The following SMARCA2 variants were observed in gnomAD, a reference collection of about 807,000 sequenced individuals.
SMARCA2 encodes the protein SWI/SNF-related matrix-associated actin-dependent regulator of chromatin subfamily A member 2.
SMARCA2 carries 61 observed loss-of-function variants against 199.8 expected under a neutral mutation model. The ratio of observed to expected loss-of-function variants is 0.31; its 90% CI spans 0.25 to 0.38. SMARCA2 has a LOEUF of 0.38. Ranked by LOEUF, SMARCA2 falls within the 10% of genes least tolerant of loss-of-function variation. The pLI is 1.00. For synonymous variants in SMARCA2, 935 were observed against 732.0 expected (o/e 1.28, Z -4.48); for missense variants, 1,344 against 2,012.2 (o/e 0.67, Z 6.35).
At chr9:2,064,930 A>T (rs746784339) in intron 9 of SMARCA2, among the ~76,000 whole-genome samples, 1 of 152,216 alleles carries the variant, frequency 6.6e-6, no homozygotes, top group Non-Finnish European at 1.5e-5. Context: ...CACGCCTGTA[A>T]TCCCAGCACT....
chr9:2,062,025 T>G (rs187142269), intron 9 of SMARCA2, among the ~76,000 whole-genome samples: 107 of 152,300 alleles, frequency 7.0e-4, no homozygotes, highest in African/African-American at 2.5e-3. Context: ...TGTAGCATTA[T>G]AGACTGTGCA....
At chr9:2,083,246 C>G (rs1821646448) in intron 15 of SMARCA2, 101 bp from the exon 16 acceptor site, 2 of 679,986 alleles carry the variant, frequency 2.9e-6, no homozygotes, top group African/African-American at 1.8e-5. Flanking sequence ...ATTCTGTAGC[C>G]CCTTTCAAGG....
intron 27 of SMARCA2, among the ~76,000 whole-genome samples, chr9:2,127,821 A>G (rs191243269): frequency 6.6e-6 from 1 of 152,290 alleles, no homozygotes; most frequent in Admixed American, 6.5e-5. Flanking sequence ...CATTGAAGAC[A>G]GGTTTTATTT....
At chr9:2,163,238 T>A (rs1825773765) in intron 28 of SMARCA2, among the ~76,000 whole-genome samples, 1 of 152,230 alleles carries the variant, frequency 6.6e-6, no homozygotes, top group Non-Finnish European at 1.5e-5. Flanking sequence ...TGCTCCATTT[T>A]GCCCACCAGG....
Position 2,097,480 on chromosome 9 carries a change from G to C in SMARCA2, c.3078+9G>C. The stretch of plus-strand genomic sequence containing the variant: ...TGTTTCAGCACATTGAGGTAAGTCT[G>C]TATTGTGTGTTTTGAGCCTGATTGT... On this transcript the variant is annotated intron_variant, in intron 21 of 33. Coordinates refer to ENST00000349721, the MANE Select transcript of SMARCA2 (RefSeq NM_003070.5). 1 of 1,556,020 alleles carries C rather than the reference G, an allele frequency of 6.4e-7. No individual in the cohort carries two copies. The highest frequency in any genetic ancestry group is 8.9e-7 in the Non-Finnish European group (1 of 1,129,602).
Position 2,170,549 on chromosome 9 carries a change from T to A in SMARCA2, c.4253+77T>A, listed in dbSNP as rs1826193994. On this transcript the variant is annotated intron_variant, in intron 29 of 33. Transcript: ENST00000349721. The surrounding 1 kb of genome is among the most constrained non-coding windows in gnomAD (Gnocchi z 4.7). ...ACGTGAAACAGATTGAATCATATAATCGGCCTTTGGAAGCAAATTTCTTCG... is the reference window on the plus strand; with the variant it reads ...ACGTGAAACAGATTGAATCATATAAACGGCCTTTGGAAGCAAATTTCTTCG... 1 of 1,608,986 alleles carries A rather than the reference T, an allele frequency of 6.2e-7. No individual in the cohort carries two copies.
At chr9:2,033,482 C>T (rs1819164838) in intron 3 of SMARCA2, among the ~76,000 whole-genome samples, 1 of 152,210 alleles carries the variant, frequency 6.6e-6, no homozygotes, top group Non-Finnish European at 1.5e-5. Flanking sequence ...GAATCTAGGC[C>T]TGCTTCCCAG....
intron 33 of SMARCA2, 99 bp downstream of exon 33, chr9:2,191,507 C>T (rs1314223096): frequency 1.6e-6 from 2 of 1,285,314 alleles, no homozygotes; most frequent in Non-Finnish European, 2.2e-6. Context: ...GCTTTATTAC[C>T]CAGGACTGGA....
chr9:2,188,222 G>A (rs1180869924), intron 32 of SMARCA2, among the ~76,000 whole-genome samples: 2 of 152,040 alleles, frequency 1.3e-5, no homozygotes, highest in Non-Finnish European at 2.9e-5. Context: ...ATTAATGAAT[G>A]TGAATGTACT....
intron 8 of SMARCA2, among the ~76,000 whole-genome samples, chr9:2,058,897 C>A (rs1384157857): frequency 6.6e-6 from 1 of 152,126 alleles, no homozygotes; most frequent in South Asian, 2.1e-4. Flanking sequence ...TGTTTTGAAG[C>A]CTCTGGTGCT....
chr9:2,075,133 G>A (rs539057351), intron 12 of SMARCA2: 1 of 152,432 alleles, frequency 6.6e-6, no homozygotes, highest in South Asian at 2.1e-4. Context: ...GTCTGCTGCA[G>A]GTGAGCCTGA....
At chr9:2,093,459 G>T (rs1822147125) in intron 19 of SMARCA2, among the ~76,000 whole-genome samples, 1 of 152,236 alleles carries the variant, frequency 6.6e-6, no homozygotes, top group African/African-American at 2.4e-5. Flanking sequence ...CCCAGGGGAA[G>T]CGTGAGAGTG....
At position 2,115,462 on chromosome 9, in the gene SMARCA2, G is replaced by A. The variant is rs111744758; in HGVS notation, c.3457-360G>A. On this transcript the variant is annotated intron_variant, in intron 24 of 33. Coordinates refer to ENST00000349721, the MANE Select transcript of SMARCA2 (RefSeq NM_003070.5). This position sits in a 1 kb window ranked among gnomAD's most constrained non-coding sequence, Gnocchi z 6.0. ...AGGCGTTTCTTGCAACTTAAGGTTA[G>A]TTGTAGGTGTTATGTAAGTCATAAT... 6.6e-6 allele frequency among the ~76,000 whole-genome samples: 1 copy of A among 152,228 alleles called. No homozygotes were observed. Among genetic ancestry groups the A allele is most frequent in the African/African-American group, 2.4e-5 (1 of 41,454 alleles).
At chr9:2,100,315 A>G (rs532125375) in intron 21 of SMARCA2, among the ~76,000 whole-genome samples, 1 of 152,362 alleles carries the variant, frequency 6.6e-6, no homozygotes, top group Admixed American at 6.5e-5. Flanking sequence ...TACGTTCTGT[A>G]TTCTGAAAAC....
Position 2,047,300 on chromosome 9 carries a change from T to TCGCCCG in SMARCA2, c.868_873dup (p.Ala290_Pro291dup). The stretch of plus-strand genomic sequence containing the variant: ...GGTGCCCGCGCCCGGCGGCCGGCCC[T>TCGCCCG]CGCCCGCGCCCCCCGCAGCCGCGCA... On this transcript the variant is annotated inframe_insertion, in exon 5 of 34. Coordinates refer to ENST00000349721, the MANE Select transcript of SMARCA2 (RefSeq NM_003070.5). 1.0e-6 allele frequency: 1 copy of TCGCCCG among 992,824 alleles called. No homozygotes were observed. The highest frequency in any genetic ancestry group is 1.2e-6 in the Non-Finnish European group (1 of 835,550). 61.5% of individuals were successfully genotyped at this position (992,824 alleles called of 1,614,324 possible). A position where few individuals can be genotyped will look rare whatever the true frequency, so the allele number is the denominator to read the frequency against.
intron 27 of SMARCA2, among the ~76,000 whole-genome samples, chr9:2,135,838 C>G (rs967692699): frequency 6.6e-6 from 1 of 150,746 alleles, no homozygotes; most frequent in Admixed American, 6.6e-5. Flanking sequence ...CCACAGCACC[C>G]AGCAACTTTT....
intron 28 of SMARCA2, among the ~76,000 whole-genome samples, chr9:2,162,383 C>G (rs1264127631): frequency 6.6e-6 from 1 of 152,122 alleles, no homozygotes; most frequent in Non-Finnish European, 1.5e-5. Flanking sequence ...AATTTCTGAG[C>G]ACTTGAATTA....
intron 24 of SMARCA2, among the ~76,000 whole-genome samples, chr9:2,112,133 C>G: frequency 6.6e-6 from 1 of 152,122 alleles, no homozygotes; most frequent in East Asian, 1.9e-4. Flanking sequence ...GTTCCACAAA[C>G]ATTTATTGAG....
intron 14 of SMARCA2, among the ~76,000 whole-genome samples, chr9:2,078,989 AAG>A (rs1430083612): frequency 6.6e-6 from 1 of 152,096 alleles, no homozygotes; most frequent in Non-Finnish European, 1.5e-5. Context: ...TAAATAAAAA[AAG>A]AGGTTTGTGG....
Sources: allele counts gnomAD v4.1 joint callset (sites outside exome capture counted in the v4.1 genomes callset), GRCh38; gene constraint gnomAD v4.1.1; non-coding constraint Gnocchi (gnomAD v3.1); transcripts MANE v1.5; gene names NCBI Gene and HGNC (gene_info 2026-07-23, HGNC 2026-07-21).